Variants in CDH13 observed in about 807,000 individuals in gnomAD.
The protein encoded by CDH13 is cadherin 13.
CDH13 carries 24 observed loss-of-function variants against 63.8 expected under a neutral mutation model. The ratio of observed to expected loss-of-function variants is 0.38; its 90% confidence interval spans 0.27 to 0.53. CDH13 has a LOEUF of 0.53. Ranked by LOEUF, CDH13 falls within the 20% of genes least tolerant of loss-of-function variation. CDH13 has a pLI of 0.85. For synonymous variants in CDH13, 503 were observed against 355.3 expected (o/e 1.42, Z -4.67); for missense variants, 1,049 against 903.1 (o/e 1.16, Z -2.07).
At position 83,458,022 on chromosome 16, in the gene CDH13, T is replaced by C. The variant is rs139732251; in HGVS notation, c.782-28455T>C. ...AGAATGGGAGGCAGCTCTGGGTCTC[T>C]TAAGATGGCCCTGGTGTGCTAAGTG... On this transcript the variant is annotated intron_variant, in intron 6 of 13. Coordinates refer to ENST00000567109, the MANE Select transcript of CDH13 (RefSeq NM_001257.5). Among the ~76,000 whole-genome samples the C allele has an allele frequency of 6.7e-3, 1,014 of 152,282 alleles. 14 individuals carry two copies. Among genetic ancestry groups the C allele is most frequent in the African/African-American group, 0.023 (944 of 41,554 alleles).
At chr16:83,210,683 T>G (rs1044671765) in intron 4 of CDH13, among the ~76,000 whole-genome samples, 8 of 151,956 alleles carry the variant, frequency 5.3e-5, no homozygotes, top group Admixed American at 5.2e-4. Context: ...TTGGCAACTC[T>G]GTCATTCTGA....
At chr16:82,750,278 A>C (rs894590889) in intron 1 of CDH13, among the ~76,000 whole-genome samples, 4 of 152,158 alleles carry the variant, frequency 2.6e-5, no homozygotes, top group African/African-American at 9.7e-5. Flanking sequence ...CATCCTGACT[A>C]AATGGGTGGA....
At chr16:83,289,046 T>G (rs2089399492) in intron 5 of CDH13, among the ~76,000 whole-genome samples, 1 of 152,170 alleles carries the variant, frequency 6.6e-6, no homozygotes, top group Non-Finnish European at 1.5e-5. Context: ...AATGTGAAAC[T>G]CCTACATTCA....
chr16:83,031,441 G>A (rs1295288844), intron 2 of CDH13, among the ~76,000 whole-genome samples: 1 of 149,438 alleles, frequency 6.7e-6, no homozygotes, highest in Admixed American at 6.6e-5. Context: ...ACATGTACAT[G>A]TATATGCATA....
intron 2 of CDH13, among the ~76,000 whole-genome samples, chr16:83,024,687 C>G (rs185664429): frequency 1.4e-4 from 21 of 152,198 alleles, no homozygotes; most frequent in African/African-American, 4.8e-4. Flanking sequence ...GTGTAAAGCT[C>G]ACAGTGTAAT....
At chr16:83,747,186 A>T (rs1459625342) in intron 10 of CDH13, among the ~76,000 whole-genome samples, 1 of 152,152 alleles carries the variant, frequency 6.6e-6, no homozygotes, top group Non-Finnish European at 1.5e-5. Context: ...CCTACATCCT[A>T]ATGAGTGTTT....
At chr16:83,438,750 TTGTC>T (rs1239351978) in intron 6 of CDH13, among the ~76,000 whole-genome samples, 1 of 152,248 alleles carries the variant, frequency 6.6e-6, no homozygotes, top group Non-Finnish European at 1.5e-5. Context: ...GACAGAATGG[TTGTC>T]TGACAATATT....
chr16:83,538,883 A>G lies in CDH13; in HGVS notation c.960+52228A>G, dbSNP rs75215433. On this transcript the variant is annotated intron_variant, in intron 7 of 13. Coordinates refer to ENST00000567109, the MANE Select transcript of CDH13 (RefSeq NM_001257.5). ...AATATAAAATTTTGTAAAAAAATAT[A>G]TGTTAGATAATGCTTAGTCATCCTT... is the stretch of plus-strand genomic sequence containing the variant. Among the ~76,000 whole-genome samples the G allele has an allele frequency of 9.8e-4, 149 of 152,346 alleles. 3 individuals are homozygous for G. The highest frequency in any genetic ancestry group is 9.6e-4 in the East Asian group (5 of 5,192).
chr16:82,895,304 C>G (rs1019851262), intron 2 of CDH13, among the ~76,000 whole-genome samples: 1 of 152,148 alleles, frequency 6.6e-6, no homozygotes, highest in African/African-American at 2.4e-5. Context: ...CACACATATA[C>G]TCAATTGTGT....
At chr16:83,336,407 A>G (rs2090598578) in intron 5 of CDH13, among the ~76,000 whole-genome samples, 1 of 152,128 alleles carries the variant, frequency 6.6e-6, no homozygotes, top group Admixed American at 6.5e-5. Context: ...TATTCCAGAG[A>G]TAACGGCAGT....
At chr16:83,596,442 T>C (rs899789522) in intron 7 of CDH13, among the ~76,000 whole-genome samples, 2 of 152,120 alleles carry the variant, frequency 1.3e-5, no homozygotes, top group Non-Finnish European at 2.9e-5. Flanking sequence ...TTTAGTCAAT[T>C]CTTGGCAAGA....
At chr16:83,008,213 T>G (rs996905957) in intron 2 of CDH13, among the ~76,000 whole-genome samples, 6 of 152,020 alleles carry the variant, frequency 3.9e-5, no homozygotes, top group African/African-American at 1.4e-4. Context: ...GTTTTAATAA[T>G]AAGAAGTGCT....
chr16:83,278,296 A>T (rs531455327), intron 5 of CDH13, among the ~76,000 whole-genome samples: 4 of 152,200 alleles, frequency 2.6e-5, no homozygotes, highest in Non-Finnish European at 5.9e-5. Context: ...GCTTAAAGTC[A>T]TCTGATTTTC....
At chr16:83,737,802 A>G (rs1053686261) in intron 10 of CDH13, among the ~76,000 whole-genome samples, 1 of 152,234 alleles carries the variant, frequency 6.6e-6, no homozygotes, top group Non-Finnish European at 1.5e-5. Flanking sequence ...GCTATTCACA[A>G]GGCAAACAAA....
Position 83,554,835 on chromosome 16 carries a change from C to T in CDH13, c.961-47619C>T, listed in dbSNP as rs143050371. Among the ~76,000 whole-genome samples the T allele has an allele frequency of 2.6e-3, 387 of 151,232 alleles. 2 individuals carry two copies. The highest frequency in any genetic ancestry group is 8.7e-3 in the African/African-American group (358 of 41,330). Reference sequence around the variant, plus strand: ...TCTTCCTCATTTTTTCCTTCAAAAACATTTGTCTTTCTTTACCTCCCTGCA... The same window carrying T: ...TCTTCCTCATTTTTTCCTTCAAAAATATTTGTCTTTCTTTACCTCCCTGCA... On this transcript the variant is annotated intron_variant, in intron 7 of 13. Coordinates refer to ENST00000567109, the MANE Select transcript of CDH13 (RefSeq NM_001257.5).
rs368832321 is a variant in CDH13, at chr16:83,591,087, G to A, written c.961-11367G>A. Reference sequence around the variant, plus strand: ...CACCACACCCAGCTAATTTTTGTATGTTTAGTAGAGATGGGGGTTCACCAG... The same window carrying A: ...CACCACACCCAGCTAATTTTTGTATATTTAGTAGAGATGGGGGTTCACCAG... On this transcript the variant is annotated intron_variant, in intron 7 of 13. Transcript: ENST00000567109. Among the ~76,000 whole-genome samples, 18 of 151,576 alleles carry A rather than the reference G, an allele frequency of 1.2e-4. No individual in the cohort carries two copies. In the East Asian group the frequency reaches 2.5e-3, roughly 21 times the overall value.
intron 7 of CDH13, among the ~76,000 whole-genome samples, chr16:83,518,155 G>GT (rs2074742435): frequency 6.6e-6 from 1 of 151,852 alleles, no homozygotes. Flanking sequence ...CTTTTGTTTT[G>GT]TTTTTTTGAG....
intron 2 of CDH13, chr16:82,953,504 C>A (rs973629310): frequency 6.6e-6 from 1 of 152,126 alleles, no homozygotes; most frequent in Non-Finnish European, 1.5e-5. Flanking sequence ...ACAAAAACAT[C>A]AAGATGTTTT....
At chr16:83,123,991 G>T (rs8052021) in intron 3 of CDH13, among the ~76,000 whole-genome samples, 2 of 152,052 alleles carry the variant, frequency 1.3e-5, no homozygotes, top group African/African-American at 4.8e-5. Context: ...CTGTTGGCCC[G>T]TCGTACGTGT....
Sources: gnomAD v4.1 joint callset for allele counts (sites outside exome capture counted in the v4.1 genomes callset) on GRCh38, gnomAD v4.1.1 for gene constraint, MANE v1.5 for transcripts, NCBI Gene and HGNC (gene_info 2026-07-23, HGNC 2026-07-21) for gene names.